The following ZNF284 variants were observed in gnomAD, a reference collection of about 807,000 sequenced individuals.
ZNF284 encodes zinc finger protein 284.
In ZNF284, 12 loss-of-function variants were observed where a neutral mutation model predicts 12.9. The observed-to-expected ratio is 0.93, with a 90% CI of 0.60 to 1.51. The LOEUF (loss-of-function observed/expected upper bound fraction) is 1.51, where lower values mean the gene tolerates loss of function less well. Among genes scored for constraint, ZNF284 ranks in the 40% most tolerant of loss-of-function variants. The pLI, the probability that ZNF284 is intolerant of heterozygous loss-of-function variation, is 0.00. For synonymous variants in ZNF284, 225 were observed against 236.5 expected, an observed-to-expected ratio of 0.95 and a Z score of 0.45; for missense variants, 667 against 707.3, an observed-to-expected ratio of 0.94 and a Z score of 0.65.
intron 1 of ZNF284, among the ~76,000 whole-genome samples, chr19:44,074,171 T>C (rs961125983): frequency 3.3e-5 from 5 of 151,988 alleles, no homozygotes; most frequent in Non-Finnish European, 5.9e-5. Context: ...CTGACCATCA[T>C]GGAGAAACTC....
chr19:44,076,434 A>G, intron 2 of ZNF284, 30 bp downstream of exon 2: 3 of 1,600,498 alleles, frequency 1.9e-6, no homozygotes, highest in Non-Finnish European at 2.6e-6. Context: ...TTTGCTGTTC[A>G]GATTCTGTTT....
chr19:44,083,470 T>TAGAGAGAGAGAGAG (rs1282885377), intron 4 of ZNF284, among the ~76,000 whole-genome samples: 1 of 64,510 alleles, frequency 1.6e-5, no homozygotes, highest in African/African-American at 4.9e-5. Context: ...TATATATATA[T>TAGAGAGAGAGAGAG]ATATAGAGAG....
At chr19:44,082,157 A>G in intron 4 of ZNF284, 52 bp downstream of exon 4, 1 of 1,470,956 alleles carries the variant, frequency 6.8e-7, no homozygotes, top group South Asian at 1.2e-5. Context: ...CATCTGTTTT[A>G]CTTCTGTCCA....
intron 1 of ZNF284, 63 bp from the exon 2 acceptor site, chr19:44,076,259 T>C (rs562751128): frequency 2.5e-6 from 2 of 803,954 alleles, no homozygotes; most frequent in East Asian, 5.3e-5. Flanking sequence ...TACTGTTGGG[T>C]GGCATCACTG....
chr19:44,082,996 T>C (rs1415767852), intron 4 of ZNF284, among the ~76,000 whole-genome samples: 1 of 152,182 alleles, frequency 6.6e-6, no homozygotes, highest in Non-Finnish European at 1.5e-5. Context: ...TTGTTCTGTC[T>C]ACTACAGAAG....
chr19:44,083,940 G>A (rs983455812), intron 4 of ZNF284, among the ~76,000 whole-genome samples: 2 of 152,146 alleles, frequency 1.3e-5, no homozygotes, highest in African/African-American at 4.8e-5. Flanking sequence ...TGCCAGTGGT[G>A]GTGATCAGGG....
At position 44,086,471 on chromosome 19, in the gene ZNF284, TA is replaced by T; in HGVS notation, c.994del (p.Ser332ValfsTer79). 1 of 1,614,190 alleles carries T rather than the reference TA, an allele frequency of 6.2e-7. No individual in the cohort carries two copies. The highest frequency in any genetic ancestry group is 8.5e-7 in the Non-Finnish European group (1 of 1,180,028). On this transcript the variant is annotated frameshift_variant, in exon 5 of 5. Transcript: ENST00000421176. LOFTEE classifies it low-confidence loss of function (END_TRUNC). Reference sequence around the variant, plus strand: ...GCTTTGGTCAGAGATCAGCACTTAATAGTCATTGCATGGACCACACAAAAGA... The same window carrying T: ...GCTTTGGTCAGAGATCAGCACTTAATGTCATTGCATGGACCACACAAAAGA... ...NSFGQRSALN[S>X]HCMDHTKEKL...
chr19:44,083,470 TATATAG>T (rs1363433622), intron 4 of ZNF284, among the ~76,000 whole-genome samples: 937 of 64,456 alleles, frequency 0.015, 23 homozygotes, highest in African/African-American at 0.044. Flanking sequence ...TATATATATA[TATATAG>T]AGAGAGAGAG....
intron 2 of ZNF284, 141 bp downstream of exon 2, chr19:44,076,545 C>T: frequency 1.2e-6 from 1 of 818,542 alleles, no homozygotes; most frequent in Non-Finnish European, 1.8e-6. Context: ...TTCCTTGTTT[C>T]TTTTGTGTTG....
rs369823489 is a variant in ZNF284, at chr19:44,088,923, A to G, written c.*1663A>G. On this transcript the variant is annotated 3_prime_UTR_variant, in exon 5 of 5. Transcript: ENST00000421176. ...GCAGCCTTGACCTCCCAGGCTCAAG[A>G]AATCCTTCTGCCTCAGCCCCTCAAA... 1.3e-5 allele frequency: 2 copies of G among 151,776 alleles called. No individual in the cohort carries two copies. Among genetic ancestry groups the G allele is most frequent in the African/African-American group, 4.8e-5 (2 of 41,266 alleles). The allele number at this position is 151,776 out of a possible 1,614,324, so 9.4% of individuals were successfully genotyped here.
At chr19:44,074,993 CTG>C (rs1967005669) in intron 1 of ZNF284, among the ~76,000 whole-genome samples, 1 of 151,908 alleles carries the variant, frequency 6.6e-6, no homozygotes, top group Non-Finnish European at 1.5e-5. Context: ...GAGTGAGACT[CTG>C]TCTCAAAAAA....
chr19:44,073,829 T>A (rs1966986917), intron 1 of ZNF284, among the ~76,000 whole-genome samples: 1 of 151,568 alleles, frequency 6.6e-6, no homozygotes, highest in Non-Finnish European at 1.5e-5. Context: ...ATTACAGGCG[T>A]GAGCCACCGC....
chr19:44,084,043 T>G (rs367759271), intron 4 of ZNF284, among the ~76,000 whole-genome samples: 4 of 152,192 alleles, frequency 2.6e-5, no homozygotes, highest in African/African-American at 9.7e-5. Flanking sequence ...TACATGCTCA[T>G]GCCTGGGGCA....
intron 1 of ZNF284, among the ~76,000 whole-genome samples, chr19:44,073,545 ATT>A (rs11331410): frequency 0.015 from 2,054 of 140,324 alleles, 16 homozygotes; most frequent in Middle Eastern, 0.033. Context: ...CTTCGAGTGC[ATT>A]TTTTTTTTTT....
At chr19:44,081,766 C>T (rs750520292) in intron 3 of ZNF284, among the ~76,000 whole-genome samples, 25 of 151,952 alleles carry the variant, frequency 1.6e-4, no homozygotes, top group Admixed American at 2.6e-4. Flanking sequence ...ATAAAACCAT[C>T]AGATCTCGTG....
Position 44,087,056 on chromosome 19 carries a change from T to A in ZNF284, c.1578T>A (p.His526Gln), listed in dbSNP as rs1264296647. The change falls in exon 5 of 5, where the codon CAT (histidine) becomes CAA (glutamine). Residue 526 changes from histidine to glutamine, a missense_variant. Coordinates refer to ENST00000421176, the MANE Select transcript of ZNF284 (RefSeq NM_001037813.4). ...CGKGFRWAST[H>Q]LTHQRLHSRE... ...AGGGATTCAGATGGGCCTCAACTCATCTAACCCATCAAAGACTCCACAGCA... is the reference window on the plus strand; with the variant it reads ...AGGGATTCAGATGGGCCTCAACTCAACTAACCCATCAAAGACTCCACAGCA... 6.2e-7 allele frequency: 1 copy of A among 1,614,062 alleles called. No homozygotes were observed. The highest frequency in any genetic ancestry group is 8.5e-7 in the Non-Finnish European group (1 of 1,180,010).
chr19:44,081,434 G>T (rs1967121933), intron 3 of ZNF284, among the ~76,000 whole-genome samples: 1 of 152,090 alleles, frequency 6.6e-6, no homozygotes, highest in African/African-American at 2.4e-5. Context: ...AGATAGGGCC[G>T]GGCGCGGTGG....
rs1289908685 is a variant in ZNF284 at position 44,089,452 on chromosome 19, A to C, written c.*2192A>C. Reference sequence around the variant, plus strand: ...GCATAAAGATGAACATAACATAAGCAGGAATATTTAAAGCACATACTTTTT... The same window carrying C: ...GCATAAAGATGAACATAACATAAGCCGGAATATTTAAAGCACATACTTTTT... On this transcript the variant is annotated 3_prime_UTR_variant, in exon 5 of 5. Coordinates refer to ENST00000421176, the MANE Select transcript of ZNF284 (RefSeq NM_001037813.4). 1 of 152,240 alleles carries C rather than the reference A, an allele frequency of 6.6e-6. No homozygotes were observed. Among genetic ancestry groups the C allele is most frequent in the African/African-American group, 2.4e-5 (1 of 41,468 alleles). The allele number at this position is 152,240 out of a possible 1,614,324, so 9.4% of individuals were successfully genotyped here.
intron 4 of ZNF284, among the ~76,000 whole-genome samples, chr19:44,083,493 AGAGAGAGAGGG>A (rs1967167177): frequency 8.3e-5 from 8 of 96,320 alleles, no homozygotes; most frequent in South Asian, 3.7e-4. Flanking sequence ...AGAGAGAGAG[AGAGAGAGAGGG>A]AATGGAATAC....
Sources: allele counts gnomAD v4.1 joint callset (sites outside exome capture counted in the v4.1 genomes callset), GRCh38; gene constraint gnomAD v4.1.1; transcripts MANE v1.5; gene names NCBI Gene and HGNC (gene_info 2026-07-23, HGNC 2026-07-21).